KNTC1: variants seen among roughly 807,000 people sequenced by gnomAD.
KNTC1 encodes kinetochore associated 1.
Under a neutral mutation model 314.4 loss-of-function variants are expected in KNTC1, and 253 were observed. The ratio of observed to expected loss-of-function variants is 0.80; its 90% CI spans 0.73 to 0.89. The LOEUF (loss-of-function observed/expected upper bound fraction) is 0.89, where lower values mean the gene tolerates loss of function less well. KNTC1 is among the 40% of genes least tolerant of loss of function. The probability of loss-of-function intolerance (pLI) is 0.00; values close to 1 mark genes in which losing one functional copy is unlikely to be tolerated. For missense variants in KNTC1, 2,475 were observed against 2,572.9 expected (o/e 0.96, Z 0.82); for synonymous variants, 901 against 901.4 (o/e 1.00, Z 0.01).
intron 13 of KNTC1, 145 bp downstream of exon 13, chr12:122,550,009 T>C: frequency 1.8e-6 from 1 of 551,144 alleles, no homozygotes; most frequent in South Asian, 2.2e-5. Flanking sequence ...GGTTTATAAC[T>C]ATATTTATTA....
chr12:122,587,571 T>G (rs1210623292), intron 38 of KNTC1, 140 bp from the exon 39 acceptor site: 9 of 559,646 alleles, frequency 1.6e-5, no homozygotes, highest in Non-Finnish European at 2.3e-5. Context: ...TCATGTTAAC[T>G]TCTCATTAAC....
intron 5 of KNTC1, among the ~76,000 whole-genome samples, chr12:122,541,286 TG>T (rs1224222401): frequency 1.6e-3 from 189 of 121,602 alleles, no homozygotes; most frequent in African/African-American, 5.9e-3. Flanking sequence ...CCTGCCTGCC[TG>T]CCTTCCTTCC....
chr12:122,569,940 GTGTT>G, intron 22 of KNTC1, 116 bp downstream of exon 22: 1 of 848,122 alleles, frequency 1.2e-6, no homozygotes, highest in Non-Finnish European at 1.8e-6. Flanking sequence ...GCTAACACCT[GTGTT>G]AATTAAAGTG....
chr12:122,587,784 G>A lies in KNTC1; in HGVS notation c.3804G>A (p.Trp1268Ter), dbSNP rs1473123149. Reference sequence around the variant, plus strand: ...AGAATCTTCAGGAATCTAGCCAGTGGGAGCTAGCCCTAAGATTTGTGGTTG... The same window carrying A: ...AGAATCTTCAGGAATCTAGCCAGTGAGAGCTAGCCCTAAGATTTGTGGTTG... ...LLQNLQESSQWELALRFVVGS... is the reference protein window; with the variant it reads ...LLQNLQESSQ Residue 1268 changes from tryptophan to a stop codon, truncating the protein, a stop_gained, in exon 39 of 64, where the codon TGG becomes TGA. Transcript: ENST00000333479. LOFTEE classifies it high-confidence loss of function. 1 of 1,613,646 alleles carries A rather than the reference G, an allele frequency of 6.2e-7. No homozygotes were observed. The highest frequency in any genetic ancestry group is 8.5e-7 in the Non-Finnish European group (1 of 1,179,784).
In KNTC1 at chr12:122,601,552, A is replaced by G; in HGVS notation, c.4580A>G (p.Tyr1527Cys). The change falls in exon 45 of 64, where the codon TAT becomes TGT. Residue 1527 changes from tyrosine to cysteine, a missense_variant. By Grantham distance (194) the Tyr-to-Cys change is radical. Transcript: ENST00000333479. ...GILHKLDPYD[Y>C]EMIEVVLKVI... ...TTTATACAGTTGGATCCTTATGACT[A>G]TGAAATGATTGAAGTTGTCTTGAAA... 1.3e-6 allele frequency: 2 copies of G among 1,535,012 alleles called. No homozygotes were observed. Among genetic ancestry groups the G allele is most frequent in the Non-Finnish European group, 1.8e-6 (2 of 1,141,790 alleles).
chr12:122,609,331 GTTTA>G (rs1872864918), intron 51 of KNTC1, 49 bp from the exon 52 acceptor site: 1 of 1,048,606 alleles, frequency 9.5e-7, no homozygotes, highest in Admixed American at 2.3e-5. Context: ...ATGAATGTTT[GTTTA>G]GTCATAAACT....
chr12:122,601,113 C>T (rs1269688211), intron 44 of KNTC1, among the ~76,000 whole-genome samples: 2 of 151,742 alleles, frequency 1.3e-5, no homozygotes, highest in Non-Finnish European at 2.9e-5. Flanking sequence ...GATGGAGTCT[C>T]GCTCTGTCAC....
chr12:122,536,233 T>A (rs996955623), intron 3 of KNTC1, among the ~76,000 whole-genome samples: 1 of 146,780 alleles, frequency 6.8e-6, no homozygotes, highest in Admixed American at 6.8e-5. Context: ...GAGTAGAAAT[T>A]TTTTTTTTTT....
intron 16 of KNTC1, 63 bp from the exon 17 acceptor site, chr12:122,557,321 A>G: frequency 6.6e-7 from 1 of 1,519,878 alleles, no homozygotes; most frequent in Non-Finnish European, 8.9e-7. Flanking sequence ...TTACTCTGAG[A>G]ATAAGCCATC....
At chr12:122,542,657 C>T (rs1243312698) in intron 6 of KNTC1, among the ~76,000 whole-genome samples, 1 of 151,798 alleles carries the variant, frequency 6.6e-6, no homozygotes, top group African/African-American at 2.4e-5. Context: ...CCCAGCTAGT[C>T]GGGAAGCTGA....
chr12:122,567,993 T>C (rs1320037436), intron 20 of KNTC1, among the ~76,000 whole-genome samples: 2 of 151,896 alleles, frequency 1.3e-5, no homozygotes, highest in African/African-American at 2.4e-5. Flanking sequence ...GAGTGAAAAA[T>C]AGTTATTTCT....
rs774517313 is a variant in KNTC1 at position 122,603,249 on chromosome 12, A to C, written c.5101+6A>C. 2 of 1,527,460 alleles carry C rather than the reference A, an allele frequency of 1.3e-6. No individual in the cohort carries two copies. Among genetic ancestry groups the C allele is most frequent in the African/African-American group, 2.8e-5 (2 of 70,754 alleles). The allele number at this position is 1,527,460 out of a possible 1,614,324, so 94.6% of individuals were successfully genotyped here. A position where few individuals can be genotyped will look rare whatever the true frequency, so the allele number is the denominator to read the frequency against. On this transcript the variant is annotated splice_donor_region_variant and intron_variant, in intron 48 of 63. Transcript: ENST00000333479. The stretch of plus-strand genomic sequence containing the variant: ...TGCCCAGGATATCCCTGAAGGTATG[A>C]GCTCTTCTTTTAAAATTGTAGTTAA...
chr12:122,547,848 A>G (rs1016576438), intron 11 of KNTC1, 67 bp from the exon 12 acceptor site: 3 of 894,526 alleles, frequency 3.4e-6, no homozygotes, highest in Non-Finnish European at 5.0e-6. Context: ...TAATCAATAG[A>G]TAATATTGTA....
chr12:122,575,309 A>G (rs765112993), intron 27 of KNTC1, among the ~76,000 whole-genome samples: 8 of 152,202 alleles, frequency 5.3e-5, no homozygotes, highest in Non-Finnish European at 1.2e-4. Context: ...AGAAAGCAAT[A>G]ACGCTGTATG....
At chr12:122,555,655 C>G (rs1242450515) in intron 16 of KNTC1, among the ~76,000 whole-genome samples, 1 of 152,120 alleles carries the variant, frequency 6.6e-6, no homozygotes, top group African/African-American at 2.4e-5. Context: ...CGAGACCATC[C>G]TGGCTAACAC....
rs142200787 is a variant in KNTC1, at chr12:122,560,715, T to A, written c.1489-1206T>A. The stretch of plus-strand genomic sequence containing the variant: ...TTTTAAGGAACTACCATGTTTTCCA[T>A]GGTGACTGTGCCATTTCACATTTCC... On this transcript the variant is annotated intron_variant, in intron 18 of 63. Transcript: ENST00000333479. Among the ~76,000 whole-genome samples the A allele has an allele frequency of 6.6e-5, 10 of 152,338 alleles. No homozygotes were observed. The East Asian group carries it at 1.9e-3, about 29-fold the overall frequency.
At chr12:122,535,925 GCT>G (rs1961777623) in intron 3 of KNTC1, among the ~76,000 whole-genome samples, 1 of 138,652 alleles carries the variant, frequency 7.2e-6, no homozygotes, top group Non-Finnish European at 1.5e-5. Flanking sequence ...AGTCTCTCTC[GCT>G]CTGTCACCCA....
At position 122,620,682 on chromosome 12, in the gene KNTC1, C is replaced by T. The variant is rs576838219; in HGVS notation, c.6279+74C>T. The T allele has an allele frequency of 7.1e-5, 106 of 1,500,838 alleles. No homozygotes were observed. The African/African-American group carries it at 1.2e-3, about 16-fold the overall frequency. 93.0% of individuals were successfully genotyped at this position (1,500,838 alleles called of 1,614,324 possible). The stretch of plus-strand genomic sequence containing the variant: ...ATCTTGCATGTCCCTTGCAAAAGGT[C>T]GCATTTTCATTTCAGCAAACCTGTA... On this transcript the variant is annotated intron_variant, in intron 60 of 63. Transcript: ENST00000333479.
In KNTC1 at chr12:122,577,844, A is replaced by C. The variant is rs550488505; in HGVS notation, c.2841+53A>C. On this transcript the variant is annotated intron_variant, in intron 31 of 63. Transcript: ENST00000333479. ...GTAAATCCAATTTTTATGGCTATTA[A>C]TCAATAGGATAGAAAAGATGGACTT... 418 of 1,496,876 alleles carry C rather than the reference A, an allele frequency of 2.8e-4. 1 individual carries two copies. The East Asian group carries it at 7.3e-3, about 26-fold the overall frequency. 92.7% of individuals were successfully genotyped at this position (1,496,876 alleles called of 1,614,324 possible). A position where few individuals can be genotyped will look rare whatever the true frequency, so the allele number is the denominator to read the frequency against.
Sources: allele counts gnomAD v4.1 joint callset (sites outside exome capture counted in the v4.1 genomes callset), GRCh38; gene constraint gnomAD v4.1.1; transcripts MANE v1.5; gene names NCBI Gene and HGNC (gene_info 2026-07-23, HGNC 2026-07-21).